The following PEX5L variants were observed in gnomAD, a reference collection of about 807,000 sequenced individuals.
PEX5L encodes the protein PEX5-related protein.
In PEX5L, 30 loss-of-function variants were observed where a neutral mutation model predicts 84.0. The observed-to-expected ratio is 0.36, with a 90% CI of 0.27 to 0.48. PEX5L has a LOEUF of 0.48. Ranked by LOEUF, PEX5L falls within the 20% of genes least tolerant of loss-of-function variation. The probability of loss-of-function intolerance (pLI) is 0.99; values close to 1 mark genes in which losing one functional copy is unlikely to be tolerated. For synonymous variants in PEX5L, 270 were observed against 283.1 expected (o/e 0.95, Z 0.46); for missense variants, 533 against 754.6 (o/e 0.71, Z 3.44).
chr3:179,984,655 T>C (rs1561021141), intron 1 of PEX5L, among the ~76,000 whole-genome samples: 1 of 152,190 alleles, frequency 6.6e-6, no homozygotes, highest in Non-Finnish European at 1.5e-5. Flanking sequence ...TAATTTTTGT[T>C]TTTCCTTTCT....
rs1424086462 is a variant in PEX5L, at chr3:179,879,975, C to T, written c.459G>A (p.Gln153=). Residue 153 remains glutamine (Q), a synonymous_variant, in exon 5 of 15, where the codon CAG becomes CAA. Coordinates refer to ENST00000467460, the MANE Select transcript of PEX5L (RefSeq NM_016559.3). ...CCGGGACTCTGAGAGGCTGGCCTCT[C>T]TGCTCAGCATCCGTGCTGATGAGGT... is the stretch of plus-strand genomic sequence containing the variant. ...GSDLISTDAE[Q]RGQPLRVPET... is the part of the protein sequence containing the mutation. 1.2e-6 allele frequency: 2 copies of T among 1,610,708 alleles called. No individual in the cohort carries two copies. The highest frequency in any genetic ancestry group is 1.7e-6 in the Non-Finnish European group (2 of 1,178,968).
intron 7 of PEX5L, among the ~76,000 whole-genome samples, chr3:179,871,596 G>A (rs1750416417): frequency 6.6e-6 from 1 of 152,174 alleles, no homozygotes; most frequent in Non-Finnish European, 1.5e-5. Flanking sequence ...AAATGGAGAT[G>A]TAAACAAACT....
chr3:179,833,021 T>A (rs926761252), intron 8 of PEX5L, among the ~76,000 whole-genome samples: 3 of 152,248 alleles, frequency 2.0e-5, no homozygotes, highest in African/African-American at 7.2e-5. Flanking sequence ...GGAATAGTTA[T>A]GTTTTCTTTT....
chr3:180,035,341 A>C (rs182997092), intron 1 of PEX5L, among the ~76,000 whole-genome samples: 80 of 152,242 alleles, frequency 5.3e-4, no homozygotes, highest in Middle Eastern at 3.4e-3. Flanking sequence ...GATCACATTG[A>C]TCATATATAA....
chr3:179,910,087 T>C (rs1415628298), intron 2 of PEX5L, among the ~76,000 whole-genome samples: 1 of 152,222 alleles, frequency 6.6e-6, no homozygotes, highest in Non-Finnish European at 1.5e-5. Flanking sequence ...TCACTAACAA[T>C]GTTACTTTAA....
intron 2 of PEX5L, among the ~76,000 whole-genome samples, chr3:179,959,749 C>T (rs140246378): frequency 1.3e-5 from 2 of 152,268 alleles, no homozygotes; most frequent in East Asian, 3.9e-4. Flanking sequence ...AACACTGAGG[C>T]TAAATGTCAC....
chr3:179,808,269 T>C lies in PEX5L; in HGVS notation c.1518+3A>G, dbSNP rs375533133. The stretch of plus-strand genomic sequence containing the variant: ...GGTTTCTTGCTGTGCTGTGCTGTCT[T>C]ACCTCTGGCCGAACAGTTAAGGCAG... On this transcript the variant is annotated splice_donor_region_variant and intron_variant, in intron 13 of 14. Transcript: ENST00000467460. The C allele has an allele frequency of 4.9e-5, 77 of 1,560,604 alleles. No individual in the cohort carries two copies. The highest frequency in any genetic ancestry group is 5.3e-5 in the Non-Finnish European group (61 of 1,156,688).
At chr3:179,972,075 T>C (rs576403253) in intron 1 of PEX5L, among the ~76,000 whole-genome samples, 1 of 152,300 alleles carries the variant, frequency 6.6e-6, no homozygotes, top group East Asian at 1.9e-4. Context: ...TTTGTTTTAA[T>C]GTCTTACATA....
chr3:179,902,590 T>A, intron 2 of PEX5L: 2 of 444,388 alleles, frequency 4.5e-6, no homozygotes, highest in Non-Finnish European at 9.0e-6. Flanking sequence ...CTTAGTAGGT[T>A]TATACGCTTT....
At chr3:179,885,606 A>G (rs576971685) in intron 4 of PEX5L, among the ~76,000 whole-genome samples, 2 of 150,756 alleles carry the variant, frequency 1.3e-5, no homozygotes, top group African/African-American at 4.9e-5. Flanking sequence ...AGATCGTGCC[A>G]CTGCACTCCA....
chr3:179,868,216 G>T (rs1240746066), intron 7 of PEX5L, among the ~76,000 whole-genome samples: 1 of 151,642 alleles, frequency 6.6e-6, no homozygotes, highest in Non-Finnish European at 1.5e-5. Context: ...GGGTTGATTT[G>T]AGTCCTGGAT....
At chr3:179,860,115 TTTTTG>T (rs1275490535) in intron 7 of PEX5L, among the ~76,000 whole-genome samples, 1 of 124,616 alleles carries the variant, frequency 8.0e-6, no homozygotes, top group Non-Finnish European at 1.9e-5. Context: ...AGAGTTTCCA[TTTTTG>T]TTTTTTGTTT....
chr3:180,030,653 G>A (rs1791369147), intron 1 of PEX5L, among the ~76,000 whole-genome samples: 1 of 152,132 alleles, frequency 6.6e-6, no homozygotes, highest in Non-Finnish European at 1.5e-5. Context: ...TGTGGGAGTG[G>A]GGATTTTGTG....
At chr3:179,881,320 G>A (rs1050344244) in intron 4 of PEX5L, 2 of 152,208 alleles carry the variant, frequency 1.3e-5, no homozygotes, top group Admixed American at 6.5e-5. Flanking sequence ...CATTCCTATG[G>A]GATCTTTAGG....
intron 1 of PEX5L, among the ~76,000 whole-genome samples, chr3:179,995,545 C>T (rs940961316): frequency 6.6e-6 from 1 of 152,092 alleles, no homozygotes; most frequent in Non-Finnish European, 1.5e-5. Context: ...TGTTTAGTGA[C>T]TCTATACATA....
At chr3:179,941,660 AGAGT>A (rs772487742) in intron 2 of PEX5L, among the ~76,000 whole-genome samples, 7 of 152,214 alleles carry the variant, frequency 4.6e-5, no homozygotes, top group Non-Finnish European at 1.0e-4. Context: ...CTGGTAGAAA[AGAGT>A]GAGTAGAAAA....
intron 2 of PEX5L, among the ~76,000 whole-genome samples, chr3:179,959,780 C>T (rs149243628): frequency 3.6e-4 from 55 of 152,336 alleles, no homozygotes; most frequent in African/African-American, 1.2e-3. Flanking sequence ...TGACCTGGCT[C>T]TGCTGTTTCT....
chr3:180,013,830 G>C (rs746640568), intron 1 of PEX5L, among the ~76,000 whole-genome samples: 51 of 152,328 alleles, frequency 3.3e-4, no homozygotes, highest in Non-Finnish European at 5.3e-4. Context: ...TATTATGACT[G>C]ATTTTTAACT....
chr3:179,968,733 C>CTGTCTG (rs1784011142), intron 2 of PEX5L, among the ~76,000 whole-genome samples: 1 of 144,308 alleles, frequency 6.9e-6, no homozygotes, highest in Admixed American at 6.9e-5. Context: ...CTGTGTGTGT[C>CTGTCTG]TGTGTGTCTG....
Sources: gnomAD v4.1 joint callset for allele counts (sites outside exome capture counted in the v4.1 genomes callset) on GRCh38, gnomAD v4.1.1 for gene constraint, MANE v1.5 for transcripts, NCBI Gene and HGNC (gene_info 2026-07-23, HGNC 2026-07-21) for gene names.